Variants in PRKCB observed in about 807,000 individuals in gnomAD.
PRKCB encodes the protein protein kinase C beta type.
In PRKCB, 13 loss-of-function variants were observed where a neutral mutation model predicts 81.5. The ratio of observed to expected loss-of-function variants is 0.16; its 90% CI spans 0.10 to 0.25. The LOEUF is 0.25. PRKCB is among the 10% of genes least tolerant of loss of function. PRKCB has a pLI of 1.00. For missense variants in PRKCB, 509 were observed against 875.7 expected (o/e 0.58, Z 5.29); for synonymous variants, 335 against 321.4 (o/e 1.04, Z -0.45).
chr16:24,217,044 G>C lies in PRKCB; in HGVS notation c.*2228G>C, dbSNP rs1397928985. ...GAGAAACACTAGGCCATTGACAAAT[G>C]ATCTGAGACAACTTTAGAAAACAAT... is the stretch of plus-strand genomic sequence containing the variant. On this transcript the variant is annotated 3_prime_UTR_variant, in exon 17 of 17. Transcript: ENST00000643927. The C allele has an allele frequency of 2.0e-6, 2 of 984,582 alleles. No homozygotes were observed. The highest frequency in any genetic ancestry group is 5.2e-4 in the Middle Eastern group (1 of 1,914). 61.0% of individuals were successfully genotyped at this position (984,582 alleles called of 1,614,324 possible).
intron 3 of PRKCB, among the ~76,000 whole-genome samples, chr16:24,002,631 G>T (rs117457022): frequency 1.7e-3 from 259 of 152,166 alleles, no homozygotes; most frequent in Non-Finnish European, 3.2e-3. Context: ...GAGCCACTGC[G>T]CCTGGCCAGC....
intron 10 of PRKCB, among the ~76,000 whole-genome samples, chr16:24,164,957 G>A (rs1337201890): frequency 1.3e-5 from 2 of 152,186 alleles, no homozygotes; most frequent in African/African-American, 4.8e-5. Flanking sequence ...GGCAGTACGT[G>A]AGGTCCATTT....
chr16:24,020,048 T>C (rs2141843860), intron 3 of PRKCB, among the ~76,000 whole-genome samples: 1 of 152,202 alleles, frequency 6.6e-6, no homozygotes, highest in East Asian at 1.9e-4. Flanking sequence ...ACAAAAGCAT[T>C]TGTACTTTGG....
At chr16:23,882,029 C>CTTTCT (rs1567301160) in intron 2 of PRKCB, among the ~76,000 whole-genome samples, 8 of 24,920 alleles carry the variant, frequency 3.2e-4, no homozygotes, top group Non-Finnish European at 5.0e-4. Context: ...TTTCTTCCTT[C>CTTTCT]CTTCCTTCCT....
chr16:23,938,321 A>G (rs942329623), intron 2 of PRKCB, among the ~76,000 whole-genome samples: 2 of 152,238 alleles, frequency 1.3e-5, no homozygotes, highest in Non-Finnish European at 2.9e-5. Flanking sequence ...TTTCAGATAT[A>G]AAAAGGCACT....
At chr16:23,921,440 G>T (rs186867632) in intron 2 of PRKCB, among the ~76,000 whole-genome samples, 1 of 152,192 alleles carries the variant, frequency 6.6e-6, no homozygotes, top group African/African-American at 2.4e-5. Context: ...TTTCGGTCTC[G>T]TGAGGAGACA....
At chr16:23,918,035 G>A (rs964197473) in intron 2 of PRKCB, among the ~76,000 whole-genome samples, 7 of 152,186 alleles carry the variant, frequency 4.6e-5, no homozygotes, top group Non-Finnish European at 1.0e-4. Context: ...GAAAATATGG[G>A]GAATGAATAA....
intron 3 of PRKCB, among the ~76,000 whole-genome samples, chr16:24,016,412 G>A (rs796804738): frequency 7.2e-5 from 11 of 151,922 alleles, no homozygotes; most frequent in Non-Finnish European, 1.2e-4. Flanking sequence ...AAGATCACTC[G>A]TTGAAACAAC....
intron 3 of PRKCB, among the ~76,000 whole-genome samples, chr16:24,014,834 C>T (rs559169004): frequency 6.6e-6 from 1 of 152,254 alleles, no homozygotes; most frequent in East Asian, 1.9e-4. Flanking sequence ...GCTCTTGTCA[C>T]CCAGGCTGGA....
intron 10 of PRKCB, among the ~76,000 whole-genome samples, chr16:24,166,507 G>T (rs1008743349): frequency 6.6e-6 from 1 of 152,028 alleles, no homozygotes; most frequent in Non-Finnish European, 1.5e-5. Flanking sequence ...AATCAGGAAC[G>T]TAAGTGCTTA....
rs117551623 is a variant in PRKCB, at chr16:23,887,800, T to C, written c.205+50394T>C. On this transcript the variant is annotated intron_variant, in intron 2 of 16. Coordinates refer to ENST00000643927, the MANE Select transcript of PRKCB (RefSeq NM_002738.7). ...TGCTTCCCAGAGGGGCTGAACTAAT[T>C]TACAATTTCACCAACAGTGTAAGAG... Among the ~76,000 whole-genome samples, 348 of 151,840 alleles carry C rather than the reference T, an allele frequency of 2.3e-3. 2 individuals are homozygous for C. The highest frequency in any genetic ancestry group is 0.01 in the Middle Eastern group (3 of 292).
intron 2 of PRKCB, among the ~76,000 whole-genome samples, chr16:23,944,395 T>A (rs906875803): frequency 7.9e-5 from 12 of 152,232 alleles, no homozygotes; most frequent in Non-Finnish European, 1.5e-4. Flanking sequence ...TGTTAAACTT[T>A]TTTAAGTTAA....
At chr16:24,122,383 G>A (rs1049471539) in intron 8 of PRKCB, among the ~76,000 whole-genome samples, 4 of 148,240 alleles carry the variant, frequency 2.7e-5, no homozygotes, top group Admixed American at 6.7e-5. Flanking sequence ...GCAGAGGAAT[G>A]TTATGACTTA....
chr16:24,141,561 C>T (rs1966902473), intron 9 of PRKCB, among the ~76,000 whole-genome samples: 2 of 152,174 alleles, frequency 1.3e-5, no homozygotes, highest in African/African-American at 4.8e-5. Flanking sequence ...GATGAGGTAG[C>T]TTAAGCCCTT....
At chr16:23,950,410 G>T (rs1964265456) in intron 2 of PRKCB, among the ~76,000 whole-genome samples, 1 of 152,118 alleles carries the variant, frequency 6.6e-6, no homozygotes, top group South Asian at 2.1e-4. Context: ...CCTCCTGGAG[G>T]GCTGACTTCC....
chr16:24,078,526 T>G (rs114930770), intron 5 of PRKCB, among the ~76,000 whole-genome samples: 1 of 152,142 alleles, frequency 6.6e-6, no homozygotes, highest in African/African-American at 2.4e-5. Flanking sequence ...CAGATGTTTA[T>G]GGGGGGCAGG....
chr16:24,174,716 T>G, intron 12 of PRKCB, 136 bp downstream of exon 12: 1 of 823,582 alleles, frequency 1.2e-6, no homozygotes, highest in Middle Eastern at 2.3e-4. Flanking sequence ...GGGCATGTGT[T>G]CTGCCAGGCA....
rs999067657 is a variant in PRKCB at position 24,094,355 on chromosome 16, C to G, written c.821+58C>G. ...CAGCTTGCTCCATCAAACGCGGGGT[C>G]AAGTATGTTTTCCTTTTTCTCCAAA... is the stretch of plus-strand genomic sequence containing the variant. On this transcript the variant is annotated intron_variant, in intron 7 of 16. Transcript: ENST00000643927. 21 of 1,575,830 alleles carry G rather than the reference C, an allele frequency of 1.3e-5. No homozygotes were observed. The Admixed American group carries it at 3.7e-4, about 28-fold the overall frequency.
chr16:23,990,319 A>G (rs938728790), intron 3 of PRKCB, among the ~76,000 whole-genome samples: 2 of 151,916 alleles, frequency 1.3e-5, no homozygotes, highest in African/African-American at 2.4e-5. Flanking sequence ...TTAGCCAGGC[A>G]TGGTGGTGGG....
Sources: gnomAD v4.1 joint callset for allele counts (sites outside exome capture counted in the v4.1 genomes callset) on GRCh38, gnomAD v4.1.1 for gene constraint, MANE v1.5 for transcripts, NCBI Gene and HGNC (gene_info 2026-07-23, HGNC 2026-07-21) for gene names.